Variants in RGS6 observed in about 807,000 individuals in gnomAD.
RGS6 encodes the protein regulator of G protein signaling 6, also known as regulator of G-protein signaling 6.
A neutral mutation model predicts 78.5 loss-of-function variants in RGS6; 30 were observed. That is an observed-to-expected ratio of 0.38 (90% CI 0.29 to 0.52). The LOEUF is 0.52. RGS6 is among the 20% of genes least tolerant of loss of function. RGS6 has a pLI of 0.85. For synonymous variants in RGS6, 206 were observed against 206.0 expected (o/e 1.00, Z 0.00); for missense variants, 495 against 609.7 (o/e 0.81, Z 1.98).
intron 2 of RGS6, among the ~76,000 whole-genome samples, chr14:72,256,700 G>T (rs2057153845): frequency 6.6e-6 from 1 of 152,182 alleles, no homozygotes; most frequent in South Asian, 2.1e-4. Flanking sequence ...TCCTCCCATA[G>T]TTAGGTTGGC....
At chr14:72,521,379 C>T (rs1164369970) in intron 15 of RGS6, among the ~76,000 whole-genome samples, 1 of 152,170 alleles carries the variant, frequency 6.6e-6, no homozygotes, top group African/African-American at 2.4e-5. Context: ...GTCAACCAGT[C>T]CTCTCTTCTT....
intron 2 of RGS6, among the ~76,000 whole-genome samples, chr14:72,020,162 A>G (rs890312351): frequency 5.9e-5 from 9 of 152,222 alleles, no homozygotes; most frequent in Admixed American, 5.2e-4. Context: ...GGAGTAGTCA[A>G]TTATGAATTT....
intron 2 of RGS6, among the ~76,000 whole-genome samples, chr14:72,073,476 G>A (rs1342042408): frequency 2.6e-5 from 4 of 152,020 alleles, no homozygotes; most frequent in Non-Finnish European, 5.9e-5. Flanking sequence ...TCAATTATTC[G>A]ACTCCAGAAT....
At chr14:71,980,314 C>T (rs2094381720) in intron 2 of RGS6, among the ~76,000 whole-genome samples, 1 of 135,556 alleles carries the variant, frequency 7.4e-6, no homozygotes, top group African/African-American at 2.8e-5. Context: ...ATGATGTTAG[C>T]TGGTGATTTT....
At chr14:72,053,278 C>A (rs1480558751) in intron 2 of RGS6, among the ~76,000 whole-genome samples, 1 of 150,940 alleles carries the variant, frequency 6.6e-6, no homozygotes. Flanking sequence ...CACCACCACG[C>A]CTGGCTAATT....
intron 2 of RGS6, among the ~76,000 whole-genome samples, chr14:71,994,005 CA>C (rs914015095): frequency 4.0e-5 from 6 of 151,340 alleles, no homozygotes; most frequent in African/African-American, 9.7e-5. Flanking sequence ...TAGTTGCCTA[CA>C]AATTTATATC....
chr14:72,038,754 C>A (rs1051941205), intron 2 of RGS6, among the ~76,000 whole-genome samples: 7 of 152,126 alleles, frequency 4.6e-5, no homozygotes, highest in Admixed American at 6.6e-5. Flanking sequence ...CATTTTTTTA[C>A]ATGTACTCTA....
chr14:72,105,285 AT>A (rs2095611109), intron 2 of RGS6, among the ~76,000 whole-genome samples: 1 of 152,194 alleles, frequency 6.6e-6, no homozygotes, highest in Admixed American at 6.5e-5. Flanking sequence ...CCCAAGTAAA[AT>A]TTTATTTGTA....
At chr14:72,361,260 A>G (rs189685385) in intron 3 of RGS6, among the ~76,000 whole-genome samples, 109 of 152,240 alleles carry the variant, frequency 7.2e-4, no homozygotes, top group Admixed American at 1.2e-3. Flanking sequence ...CTCAGGTAGA[A>G]AGTGGACTTA....
chr14:72,323,254 T>C (rs1029238017), intron 2 of RGS6, among the ~76,000 whole-genome samples: 1 of 152,006 alleles, frequency 6.6e-6, no homozygotes, highest in Non-Finnish European at 1.5e-5. Context: ...TTAGAAAATA[T>C]AACTGAAGAG....
chr14:72,047,100 A>G (rs2092907964), intron 2 of RGS6, among the ~76,000 whole-genome samples: 1 of 152,156 alleles, frequency 6.6e-6, no homozygotes, highest in Non-Finnish European at 1.5e-5. Context: ...TAACTTGCGT[A>G]GACAGCTGTT....
chr14:72,371,892 G>T (rs1463098699), intron 3 of RGS6, among the ~76,000 whole-genome samples: 1 of 152,368 alleles, frequency 6.6e-6, no homozygotes, highest in African/African-American at 2.4e-5. Context: ...GGAAACTGCA[G>T]TGGACATCAT....
intron 3 of RGS6, among the ~76,000 whole-genome samples, chr14:72,382,182 A>T (rs1411749660): frequency 2.0e-5 from 3 of 152,156 alleles, no homozygotes; most frequent in African/African-American, 7.2e-5. Flanking sequence ...TTGGAAGAAG[A>T]TATTTGCAGC....
chr14:72,241,549 G>C (rs2052834993), intron 2 of RGS6, among the ~76,000 whole-genome samples: 1 of 152,088 alleles, frequency 6.6e-6, no homozygotes, highest in Non-Finnish European at 1.5e-5. Context: ...GTTCCTTTCA[G>C]ATGCTTTTCC....
chr14:72,373,229 A>G (rs1001718276), intron 3 of RGS6, among the ~76,000 whole-genome samples: 3 of 152,230 alleles, frequency 2.0e-5, no homozygotes, highest in Non-Finnish European at 2.9e-5. Flanking sequence ...TCTGCTCAAG[A>G]TGTCATAAGG....
chr14:72,426,158 A>G (rs1317966000), intron 3 of RGS6, among the ~76,000 whole-genome samples: 1 of 152,214 alleles, frequency 6.6e-6, no homozygotes, highest in Non-Finnish European at 1.5e-5. Flanking sequence ...TCTAAGCTAT[A>G]TTACTAAGTT....
intron 2 of RGS6, among the ~76,000 whole-genome samples, chr14:72,105,193 A>G (rs1226929811): frequency 6.6e-6 from 1 of 152,206 alleles, no homozygotes; most frequent in East Asian, 1.9e-4. Flanking sequence ...TTCCAGATGC[A>G]ACTCACAGAT....
intron 2 of RGS6, among the ~76,000 whole-genome samples, chr14:72,239,057 T>G (rs1416863543): frequency 6.6e-6 from 1 of 151,774 alleles, no homozygotes; most frequent in Non-Finnish European, 1.5e-5. Flanking sequence ...AGAGCAGGAG[T>G]GAAAGTTTAT....
intron 2 of RGS6, among the ~76,000 whole-genome samples, chr14:72,274,964 T>C (rs2060463025): frequency 6.6e-6 from 1 of 152,216 alleles, no homozygotes; most frequent in South Asian, 2.1e-4. Flanking sequence ...ACTTTGGGGT[T>C]AACGAACAAC....
Sources: allele counts gnomAD v4.1 joint callset (sites outside exome capture counted in the v4.1 genomes callset), GRCh38; gene constraint gnomAD v4.1.1; transcripts MANE v1.5; gene names NCBI Gene and HGNC (gene_info 2026-07-23, HGNC 2026-07-21).